The following JAZF1 variants were observed in gnomAD, a reference collection of about 807,000 sequenced individuals.
The protein encoded by JAZF1 is juxtaposed with another zinc finger protein 1.
Under a neutral mutation model 26.4 loss-of-function variants are expected in JAZF1, and 8 were observed. The ratio of observed to expected loss-of-function variants is 0.30; its 90% confidence interval spans 0.18 to 0.55. The LOEUF is 0.55. Among genes scored for constraint, JAZF1 ranks in the 20% least tolerant of loss-of-function variants. JAZF1 has a pLI of 0.94. For missense variants in JAZF1, 199 were observed against 322.0 expected (o/e 0.62, Z 2.92); for synonymous variants, 126 against 122.3 (o/e 1.03, Z -0.20).
intron 1 of JAZF1, among the ~76,000 whole-genome samples, chr7:28,161,346 G>GC (rs1303880564): frequency 6.7e-6 from 1 of 149,066 alleles, no homozygotes; most frequent in Non-Finnish European, 1.5e-5. Context: ...AAACCCTAGA[G>GC]CCCCAAGAAC....
intron 1 of JAZF1, among the ~76,000 whole-genome samples, chr7:28,162,286 A>G (rs1226981710): frequency 6.6e-6 from 1 of 152,216 alleles, no homozygotes; most frequent in Non-Finnish European, 1.5e-5. Context: ...TAATGCAATA[A>G]AAGTGGAAAT....
In JAZF1 at chr7:27,938,212, A is replaced by G. The variant is rs1784786506; in HGVS notation, c.189-42796T>C. 4.6e-5 allele frequency among the ~76,000 whole-genome samples: 7 copies of G among 152,350 alleles called. No homozygotes were observed. The South Asian group carries it at 1.5e-3, about 32-fold the overall frequency. On this transcript the variant is annotated intron_variant, in intron 2 of 4. Transcript: ENST00000283928. Reference sequence around the variant, plus strand: ...TGATTATCTATTGAAATGAATGGTAACATCCATCCTCAAATGAGCCCCGCT... The same window carrying G: ...TGATTATCTATTGAAATGAATGGTAGCATCCATCCTCAAATGAGCCCCGCT...
At position 27,895,372 on chromosome 7, in the gene JAZF1, T is replaced by C; in HGVS notation, c.233A>G (p.Lys78Arg). The change falls in exon 3 of 5, where the codon AAG becomes AGG. Residue 78 changes from lysine (K) to arginine (R), a missense_variant. Around this residue, in one of 2 missense-constraint regions of JAZF1, gnomAD observed 137 missense variants for 184.8 expected, o/e 0.74. Coordinates refer to ENST00000283928, the MANE Select transcript of JAZF1 (RefSeq NM_175061.4). ...AARREQESLK[K>R]KIQPKLSLTL... Reference sequence around the variant, plus strand: ...CAGCGAGAGCTTCGGCTGAATCTTCTTCTTTAGGGACTCCTGCTCTCGGCG... The same window carrying C: ...CAGCGAGAGCTTCGGCTGAATCTTCCTCTTTAGGGACTCCTGCTCTCGGCG... 6.2e-7 allele frequency: 1 copy of C among 1,607,714 alleles called. No individual in the cohort carries two copies. The highest frequency in any genetic ancestry group is 1.1e-5 in the South Asian group (1 of 89,868).
At chr7:28,093,760 A>G (rs1348937663) in intron 1 of JAZF1, among the ~76,000 whole-genome samples, 2 of 152,166 alleles carry the variant, frequency 1.3e-5, no homozygotes, top group African/African-American at 2.4e-5. Context: ...GGGCAAACCC[A>G]AAAGACAGGT....
At chr7:28,112,906 CTT>C (rs1318089323) in intron 1 of JAZF1, among the ~76,000 whole-genome samples, 4 of 152,172 alleles carry the variant, frequency 2.6e-5, no homozygotes, top group African/African-American at 9.7e-5. Context: ...TTCTGTATCT[CTT>C]GTCAAAAGAA....
At chr7:28,156,449 G>A (rs1783187217) in intron 1 of JAZF1, among the ~76,000 whole-genome samples, 1 of 152,252 alleles carries the variant, frequency 6.6e-6, no homozygotes, top group Admixed American at 6.5e-5. Flanking sequence ...CTGAGTACAA[G>A]AGACTATTGA....
intron 1 of JAZF1, among the ~76,000 whole-genome samples, chr7:28,056,692 C>A (rs896340244): frequency 1.1e-4 from 17 of 152,152 alleles, no homozygotes; most frequent in African/African-American, 3.1e-4. Flanking sequence ...GCTGCTTCTA[C>A]AATCTCCAGT....
chr7:27,919,116 T>C (rs1410280430), intron 2 of JAZF1, among the ~76,000 whole-genome samples: 1 of 152,344 alleles, frequency 6.6e-6, no homozygotes, highest in East Asian at 1.9e-4. Context: ...GTCCTAGTAA[T>C]GGGCAACTTT....
chr7:28,120,122 C>T (rs1784814879), intron 1 of JAZF1, among the ~76,000 whole-genome samples: 2 of 152,092 alleles, frequency 1.3e-5, no homozygotes. Flanking sequence ...TCCTGTCTTG[C>T]AACAGCACTT....
At chr7:28,180,435 C>T in intron 1 of JAZF1, 28 bp downstream of exon 1, 1 of 1,573,520 alleles carries the variant, frequency 6.4e-7, no homozygotes, top group Non-Finnish European at 8.7e-7. Flanking sequence ...GCGCGCCTGG[C>T]ACCCCCGCCC....
At chr7:28,013,634 T>A (rs1782835580) in intron 1 of JAZF1, among the ~76,000 whole-genome samples, 1 of 152,062 alleles carries the variant, frequency 6.6e-6, no homozygotes, top group South Asian at 2.1e-4. Context: ...AGTTTAGTAA[T>A]CTTAGATTAG....
chr7:28,048,997 T>TTCCC (rs1783542779), intron 1 of JAZF1, among the ~76,000 whole-genome samples: 1 of 103,344 alleles, frequency 9.7e-6, no homozygotes, highest in Non-Finnish European at 2.2e-5. Context: ...CCTTCCTTCC[T>TTCCC]TCCCTTCCTT....
intron 2 of JAZF1, among the ~76,000 whole-genome samples, chr7:27,922,515 C>T (rs1784548974): frequency 6.6e-6 from 1 of 152,182 alleles, no homozygotes; most frequent in Admixed American, 6.5e-5. Flanking sequence ...TCCCAAAGTG[C>T]TAGGACTACA....
intron 3 of JAZF1, among the ~76,000 whole-genome samples, chr7:27,865,285 G>A (rs1783454236): frequency 6.6e-6 from 1 of 152,132 alleles, no homozygotes; most frequent in African/African-American, 2.4e-5. Context: ...TAGGAGGATT[G>A]CTTGAGCCTG....
At chr7:28,097,893 C>T (rs1784409681) in intron 1 of JAZF1, among the ~76,000 whole-genome samples, 1 of 152,228 alleles carries the variant, frequency 6.6e-6, no homozygotes, top group East Asian at 1.9e-4. Context: ...ACACTATGCA[C>T]TTCTGCACAG....
At position 28,051,148 on chromosome 7, in the gene JAZF1, A is replaced by C. The variant is rs1008455029; in HGVS notation, c.116-59167T>G. On this transcript the variant is annotated intron_variant, in intron 1 of 4. Coordinates refer to ENST00000283928, the MANE Select transcript of JAZF1 (RefSeq NM_175061.4). Reference sequence around the variant, plus strand: ...CTCCATCTCAAAAAAAAAAAAAAAAAAAAAAAAACAAAGTCTACTACTATA... The same window carrying C: ...CTCCATCTCAAAAAAAAAAAAAAAACAAAAAAAACAAAGTCTACTACTATA... Among the ~76,000 whole-genome samples, 7 of 149,842 alleles carry C rather than the reference A, an allele frequency of 4.7e-5. No homozygotes were observed. The East Asian group carries it at 1.2e-3, about 25-fold the overall frequency.
intron 3 of JAZF1, among the ~76,000 whole-genome samples, chr7:27,853,683 T>C (rs1386979196): frequency 6.6e-6 from 1 of 152,184 alleles, no homozygotes; most frequent in Non-Finnish European, 1.5e-5. Flanking sequence ...AGTTGTACAG[T>C]TTTGAGTGAG....
intron 1 of JAZF1, among the ~76,000 whole-genome samples, chr7:28,082,151 C>G (rs945849792): frequency 2.0e-5 from 3 of 152,192 alleles, no homozygotes; most frequent in Admixed American, 6.5e-5. Flanking sequence ...CTAAAGTATC[C>G]TTTAGACAGG....
intron 1 of JAZF1, among the ~76,000 whole-genome samples, chr7:28,114,675 T>C (rs2127934825): frequency 6.6e-6 from 1 of 151,060 alleles, no homozygotes; most frequent in African/African-American, 2.4e-5. Flanking sequence ...GAACATGACA[T>C]GGGTTCTGCC....
Sources: gnomAD v4.1 joint callset for allele counts (sites outside exome capture counted in the v4.1 genomes callset) on GRCh38, gnomAD v4.1.1 for gene constraint, gnomAD v4.1.1 regional missense constraint, MANE v1.5 for transcripts, NCBI Gene and HGNC (gene_info 2026-07-23, HGNC 2026-07-21) for gene names.